Variants in AARS1 observed in about 807,000 individuals in gnomAD.
AARS1 encodes alanine--tRNA ligase, cytoplasmic.
A neutral mutation model predicts 108.9 loss-of-function variants in AARS1; 72 were observed. That is an observed-to-expected ratio of 0.66 (90% CI 0.55 to 0.80). AARS1 has a LOEUF of 0.80. Among genes scored for constraint, AARS1 ranks in the 30% least tolerant of loss-of-function variants. The pLI is 0.00. For missense variants in AARS1, 1,193 were observed against 1,233.2 expected, an observed-to-expected ratio of 0.97 and a Z score of 0.49; for synonymous variants, 489 against 465.7, an observed-to-expected ratio of 1.05 and a Z score of -0.64.
intron 14 of AARS1, among the ~76,000 whole-genome samples, chr16:70,258,460 T>C (rs1960048208): frequency 1.3e-5 from 2 of 152,196 alleles, no homozygotes; most frequent in Non-Finnish European, 2.9e-5. Context: ...CTAGAACAGC[T>C]CTGGTTCTCC....
In AARS1 at chr16:70,258,073, G is replaced by A. The variant is rs750769245; in HGVS notation, c.2137C>T (p.Pro713Ser). Residue 713 changes from proline to serine, a missense_variant, in exon 15 of 21, where the codon CCT becomes TCT. Physicochemically the swap from Pro to Ser is moderately conservative, Grantham distance 74. Coordinates refer to ENST00000261772, the MANE Select transcript of AARS1 (RefSeq NM_001605.3). ...VSELLDDPSG[P>S]AGSLTSVEFC... ...TCAACAGAAGTCAGGGAGCCAGCAG[G>A]CCCAGAGGGGTCATCCAGCAACTCG... 9 of 1,614,168 alleles carry A rather than the reference G, an allele frequency of 5.6e-6. No homozygotes were observed. Among genetic ancestry groups the A allele is most frequent in the Non-Finnish European group, 7.6e-6 (9 of 1,180,022 alleles).
intron 10 of AARS1, 130 bp downstream of exon 10, chr16:70,265,408 T>G: frequency 2.7e-5 from 39 of 1,428,680 alleles, no homozygotes; most frequent in Non-Finnish European, 3.4e-5. Flanking sequence ...CGCCCCCACT[T>G]GAGAACCACT....
At chr16:70,286,498 C>CT (rs1960844363) in intron 1 of AARS1, among the ~76,000 whole-genome samples, 2 of 151,706 alleles carry the variant, frequency 1.3e-5, no homozygotes, top group South Asian at 4.2e-4. Context: ...GTAGCTAGGA[C>CT]TACAGGCATG....
intron 8 of AARS1, 31 bp downstream of exon 8, chr16:70,268,240 C>T (rs768116630): frequency 1.9e-6 from 3 of 1,596,696 alleles, no homozygotes; most frequent in Non-Finnish European, 2.6e-6. Context: ...ACTGCTTTAG[C>T]ACAGAAGGGT....
intron 2 of AARS1, 86 bp from the exon 3 acceptor site, chr16:70,277,240 A>T: frequency 7.5e-7 from 1 of 1,331,180 alleles, no homozygotes; most frequent in Non-Finnish European, 1.1e-6. Flanking sequence ...ACGACCACAC[A>T]CTAACTGTGC....
intron 6 of AARS1, 106 bp downstream of exon 6, chr16:70,270,090 C>T (rs1960360860): frequency 1.4e-6 from 2 of 1,407,338 alleles, no homozygotes; most frequent in African/African-American, 1.4e-5. Flanking sequence ...GAAATGGGTA[C>T]CCTTGGCTGG....
At position 70,252,878 on chromosome 16, in the gene AARS1, C is replaced by T; in HGVS notation, c.2750G>A (p.Ser917Asn). ...GCCTGACACCTGCTGCACCCACTCGCTGGCTTTTAAGCCCCGATTGGCTGC... is the reference window on the plus strand; with the variant it reads ...GCCTGACACCTGCTGCACCCACTCGTTGGCTTTTAAGCCCCGATTGGCTGC... ...QNAANRGLKASEWVQQVSGLM... is the reference protein window; with the variant it reads ...QNAANRGLKANEWVQQVSGLM... Residue 917 changes from serine to asparagine, a missense_variant, in exon 21 of 21, where the codon AGC (serine) becomes AAC (asparagine). Coordinates refer to ENST00000261772, the MANE Select transcript of AARS1 (RefSeq NM_001605.3). 6.2e-7 allele frequency: 1 copy of T among 1,614,154 alleles called. No homozygotes were observed. The highest frequency in any genetic ancestry group is 8.5e-7 in the Non-Finnish European group (1 of 1,179,958).
intron 14 of AARS1, 130 bp from the exon 15 acceptor site, chr16:70,258,347 C>T: frequency 1.1e-6 from 1 of 921,552 alleles, no homozygotes; most frequent in Non-Finnish European, 1.7e-6. Flanking sequence ...GTGCCATGAG[C>T]TTCCTCAATC....
intron 1 of AARS1, among the ~76,000 whole-genome samples, chr16:70,285,004 T>C (rs1434581402): frequency 6.6e-6 from 1 of 152,058 alleles, no homozygotes; most frequent in Non-Finnish European, 1.5e-5. Context: ...CCAAGGTGGG[T>C]GGATCACCTG....
At chr16:70,260,515 C>T (rs1262670545) in intron 13 of AARS1, among the ~76,000 whole-genome samples, 1 of 152,208 alleles carries the variant, frequency 6.6e-6, no homozygotes, top group Admixed American at 6.5e-5. Flanking sequence ...TCCGTGAAAA[C>T]AAGTCCACGG....
At chr16:70,258,343 T>G in intron 14 of AARS1, 126 bp from the exon 15 acceptor site, 2 of 980,284 alleles carry the variant, frequency 2.0e-6, no homozygotes, top group Non-Finnish European at 3.1e-6. Context: ...GCACGTGCCA[T>G]GAGCTTCCTC....
chr16:70,279,006 G>A (rs561999237), intron 2 of AARS1, among the ~76,000 whole-genome samples: 7 of 152,094 alleles, frequency 4.6e-5, no homozygotes, highest in East Asian at 1.9e-4. Context: ...ACAGAGCAGC[G>A]CCTGGCACAC....
At chr16:70,285,093 A>C (rs992164863) in intron 1 of AARS1, among the ~76,000 whole-genome samples, 1 of 152,098 alleles carries the variant, frequency 6.6e-6, no homozygotes, top group African/African-American at 2.4e-5. Context: ...GCCGGGAATG[A>C]TGGCGAGTGC....
At chr16:70,257,243 C>CA (rs56734965) in intron 15 of AARS1, among the ~76,000 whole-genome samples, 5,303 of 133,726 alleles carry the variant, frequency 0.04, 320 homozygotes, top group African/African-American at 0.13. Context: ...AACTCCGTCT[C>CA]AAAAAAAAAA....
chr16:70,265,687 C>CA lies in AARS1; in HGVS notation c.1223-26dup, dbSNP rs146880293. The CA allele has an allele frequency of 0.084, 135,633 of 1,608,736 alleles. 6,309 individuals carry two copies. The highest frequency in any genetic ancestry group is 0.14 in the South Asian group (12,721 of 90,730). ...CCTACACAGCACAAAGGAGGTGTGTCAAAAAAAACAGACAGCCCCTTTTCC... is the reference window on the plus strand; with the variant it reads ...CCTACACAGCACAAAGGAGGTGTGTCAAAAAAAAACAGACAGCCCCTTTTCC... On this transcript the variant is annotated intron_variant, in intron 9 of 20. Coordinates refer to ENST00000261772, the MANE Select transcript of AARS1 (RefSeq NM_001605.3).
chr16:70,276,580 G>C lies in AARS1; in HGVS notation c.385C>G (p.Pro129Ala), dbSNP rs370622071. Residue 129 changes from proline to alanine, a missense_variant, in exon 4 of 21, where the codon CCC becomes GCC. Coordinates refer to ENST00000261772, the MANE Select transcript of AARS1 (RefSeq NM_001605.3). ...LELLTQEFGI[P>A]IERLYVTYFG... ...TAAGTAACATAAAGTCTTTCAATGG[G>C]AATGCCAAACTCTTGGGTGAGGAGT... 101 of 1,614,024 alleles carry C rather than the reference G, an allele frequency of 6.3e-5. No homozygotes were observed. The highest frequency in any genetic ancestry group is 3.3e-4 in the Middle Eastern group (2 of 6,062).
chr16:70,260,887 C>A (rs1295478709), intron 13 of AARS1, among the ~76,000 whole-genome samples, 157 bp downstream of exon 13: 1 of 152,128 alleles, frequency 6.6e-6, no homozygotes, highest in African/African-American at 2.4e-5. Context: ...TGGTCTCGAT[C>A]TCCTGACCTC....
intron 11 of AARS1, among the ~76,000 whole-genome samples, chr16:70,263,044 G>T (rs1597438282): frequency 1.4e-5 from 2 of 139,572 alleles, no homozygotes; most frequent in South Asian, 4.6e-4. Flanking sequence ...ATCAAAGAAT[G>T]CAACACTCTG....
At chr16:70,278,590 A>G (rs945541562) in intron 2 of AARS1, among the ~76,000 whole-genome samples, 2 of 151,954 alleles carry the variant, frequency 1.3e-5, no homozygotes, top group African/African-American at 4.8e-5. Context: ...GCAAGAGAGA[A>G]AGAAAAAAAT....
Sources: gnomAD v4.1 joint callset for allele counts (sites outside exome capture counted in the v4.1 genomes callset) on GRCh38, gnomAD v4.1.1 for gene constraint, MANE v1.5 for transcripts, NCBI Gene and HGNC (gene_info 2026-07-23, HGNC 2026-07-21) for gene names.